The following COL14A1 variants were observed in gnomAD, a reference collection of about 807,000 sequenced individuals.
COL14A1 encodes collagen type XIV alpha 1 chain.
A neutral mutation model predicts 230.3 loss-of-function variants in COL14A1; 136 were observed. The ratio of observed to expected loss-of-function variants is 0.59; its 90% CI spans 0.51 to 0.68. COL14A1 has a LOEUF of 0.68. Among genes scored for constraint, COL14A1 ranks in the 30% least tolerant of loss-of-function variants. The probability of loss-of-function intolerance (pLI) is 0.00; values close to 1 mark genes in which losing one functional copy is unlikely to be tolerated. For missense variants in COL14A1, 1,976 were observed against 2,215.8 expected, an observed-to-expected ratio of 0.89 and a Z score of 2.17; for synonymous variants, 792 against 784.1, an observed-to-expected ratio of 1.01 and a Z score of -0.17.
intron 14 of COL14A1, among the ~76,000 whole-genome samples, chr8:120,223,222 G>A (rs1817987400): frequency 6.6e-6 from 1 of 152,172 alleles, no homozygotes; most frequent in South Asian, 2.1e-4. Flanking sequence ...GATTCAGAGT[G>A]CAATAGACAG....
intron 45 of COL14A1, among the ~76,000 whole-genome samples, chr8:120,350,003 T>A (rs1449530743): frequency 6.6e-5 from 9 of 136,370 alleles, no homozygotes; most frequent in South Asian, 2.4e-4. Context: ...CGGGTTACAC[T>A]CAAAGGGAAG....
intron 5 of COL14A1, among the ~76,000 whole-genome samples, chr8:120,192,113 A>C (rs944197372): frequency 6.6e-6 from 1 of 152,080 alleles, no homozygotes; most frequent in African/African-American, 2.4e-5. Context: ...TATTTTGCTC[A>C]TTAGTTGATG....
intron 2 of COL14A1, 80 bp downstream of exon 2, chr8:120,148,010 C>A: frequency 9.6e-7 from 1 of 1,037,630 alleles, no homozygotes; most frequent in Non-Finnish European, 1.4e-6. Context: ...TTTATTTATC[C>A]TAACAATATG....
rs111967895 is a variant in COL14A1 at position 120,129,229 on chromosome 8, T to C, written c.-38+3889T>C. Among the ~76,000 whole-genome samples, 885 of 152,180 alleles carry C rather than the reference T, an allele frequency of 5.8e-3. 8 individuals carry two copies. Among genetic ancestry groups the C allele is most frequent in the African/African-American group, 0.018 (759 of 41,502 alleles). ...GAATGGAAAATAAAGATTACTACTA[T>C]AGGAAACAGGAAGAGCACCTGACCC... On this transcript the variant is annotated intron_variant, in intron 1 of 47. Coordinates refer to ENST00000297848, the MANE Select transcript of COL14A1 (RefSeq NM_021110.4).
At chr8:120,235,912 T>A (rs1818429809) in intron 19 of COL14A1, among the ~76,000 whole-genome samples, 1 of 152,216 alleles carries the variant, frequency 6.6e-6, no homozygotes, top group Non-Finnish European at 1.5e-5. Context: ...TCAGTTTCCA[T>A]GTAGTTGTGC....
intron 18 of COL14A1, among the ~76,000 whole-genome samples, chr8:120,229,402 A>G (rs1039086439): frequency 6.6e-6 from 1 of 151,386 alleles, no homozygotes; most frequent in African/African-American, 2.4e-5. Context: ...GAGAATGATG[A>G]TTTCCAATTT....
At chr8:120,280,390 A>G (rs887834460) in intron 29 of COL14A1, among the ~76,000 whole-genome samples, 1 of 152,196 alleles carries the variant, frequency 6.6e-6, no homozygotes. Context: ...AGAATGTATT[A>G]AGATGTAAAA....
At chr8:120,263,330 T>G (rs1010064971) in intron 24 of COL14A1, among the ~76,000 whole-genome samples, 4 of 152,158 alleles carry the variant, frequency 2.6e-5, no homozygotes, top group African/African-American at 7.2e-5. Context: ...ATGTGGAGTG[T>G]GAAATGCAGT....
At chr8:120,321,272 G>A (rs932392910) in intron 40 of COL14A1, among the ~76,000 whole-genome samples, 13 of 152,128 alleles carry the variant, frequency 8.5e-5, no homozygotes, top group Non-Finnish European at 1.9e-4. Context: ...TTTACCTGGA[G>A]AGTGGCACAC....
At chr8:120,258,184 T>C (rs2129734253) in intron 23 of COL14A1, among the ~76,000 whole-genome samples, 1 of 152,336 alleles carries the variant, frequency 6.6e-6, no homozygotes, top group African/African-American at 2.4e-5. Context: ...CATCTGGACC[T>C]AGGTGTTCAA....
chr8:120,268,030 A>G (rs542657834), intron 25 of COL14A1, among the ~76,000 whole-genome samples: 5 of 151,980 alleles, frequency 3.3e-5, no homozygotes, highest in African/African-American at 1.2e-4. Context: ...GTAGATTCAA[A>G]TGCTGCAGAG....
chr8:120,169,161 T>C (rs1816020281), intron 5 of COL14A1, among the ~76,000 whole-genome samples: 1 of 152,168 alleles, frequency 6.6e-6, no homozygotes, highest in South Asian at 2.1e-4. Flanking sequence ...CTGCCGATTA[T>C]TCCCCTTTTG....
At chr8:120,289,281 G>A (rs1820298135) in intron 33 of COL14A1, among the ~76,000 whole-genome samples, 1 of 152,114 alleles carries the variant, frequency 6.6e-6, no homozygotes. Flanking sequence ...TAATTTTAAT[G>A]TGCATTCAGA....
chr8:120,221,583 C>T (rs1420414603), intron 14 of COL14A1, among the ~76,000 whole-genome samples: 2 of 151,744 alleles, frequency 1.3e-5, no homozygotes, highest in Non-Finnish European at 2.9e-5. Flanking sequence ...CACACACACA[C>T]GTTTCTCCTT....
Position 120,227,241 on chromosome 8 carries a change from G to T in COL14A1, c.2026G>T (p.Asp676Tyr). Reference protein sequence around the residue: ...TEEVVLKEEQDSHVIEGLEPG... With the variant: ...TEEVVLKEEQYSHVIEGLEPG... The stretch of plus-strand genomic sequence containing the variant: ...TCAGGTTGTCCTGAAAGAAGAGCAG[G>T]ACTCACATGTTATTGAAGGCCTGGA... The change falls in exon 17 of 48, where the codon GAC (aspartate) becomes TAC (tyrosine). Residue 676 changes from aspartate to tyrosine, a missense_variant. Asp to Tyr is a radical substitution (Grantham distance 160, BLOSUM62 -3). Transcript: ENST00000297848. 1 of 1,613,896 alleles carries T rather than the reference G, an allele frequency of 6.2e-7. No homozygotes were observed. Among genetic ancestry groups the T allele is most frequent in the East Asian group, 2.2e-5 (1 of 44,866 alleles).
rs1474755171 is a variant in COL14A1 at position 120,345,454 on chromosome 8, TG to T, written c.4972del (p.Glu1658SerfsTer37). 1 of 1,603,438 alleles carries T rather than the reference TG, an allele frequency of 6.2e-7. No individual in the cohort carries two copies. The highest frequency in any genetic ancestry group is 8.5e-7 in the Non-Finnish European group (1 of 1,175,130). ...SSIRTVQGPP[G>X]EPGRPGSPGA... Reference sequence around the variant, plus strand: ...CCATCCGGACTGTCCAAGGGCCTCCTGGGGAGCCTGGGAGGCCAGGCTCACC... The same window carrying T: ...CCATCCGGACTGTCCAAGGGCCTCCTGGGAGCCTGGGAGGCCAGGCTCACC... On this transcript the variant is annotated frameshift_variant, in exon 45 of 48. Coordinates refer to ENST00000297848, the MANE Select transcript of COL14A1 (RefSeq NM_021110.4). LOFTEE classifies it high-confidence loss of function.
chr8:120,342,782 A>G (rs1303573726), intron 44 of COL14A1, among the ~76,000 whole-genome samples: 1 of 152,144 alleles, frequency 6.6e-6, no homozygotes, highest in African/African-American at 2.4e-5. Flanking sequence ...AGTGTTCAGC[A>G]CTTGAAAGCT....
chr8:120,141,360 TG>T (rs994336993), intron 1 of COL14A1, among the ~76,000 whole-genome samples: 12 of 152,116 alleles, frequency 7.9e-5, no homozygotes, highest in Admixed American at 6.6e-4. Flanking sequence ...CTGCACAAGA[TG>T]GGGAGACCAC....
At chr8:120,332,530 A>C in intron 41 of COL14A1, 134 bp from the exon 42 acceptor site, 3 of 719,674 alleles carry the variant, frequency 4.2e-6, no homozygotes, top group Non-Finnish European at 6.9e-6. Context: ...AGTTGGGAAC[A>C]GGAATGAGGT....
Sources: gnomAD v4.1 joint callset for allele counts (sites outside exome capture counted in the v4.1 genomes callset) on GRCh38, gnomAD v4.1.1 for gene constraint, MANE v1.5 for transcripts, NCBI Gene and HGNC (gene_info 2026-07-23, HGNC 2026-07-21) for gene names.